PREX2: variants seen among roughly 807,000 people sequenced by gnomAD.
The protein encoded by PREX2 is phosphatidylinositol 3,4,5-trisphosphate-dependent Rac exchanger 2 protein.
PREX2 carries 107 observed loss-of-function variants against 203.2 expected under a neutral mutation model. The ratio of observed to expected loss-of-function variants is 0.53; its 90% confidence interval spans 0.45 to 0.62. The LOEUF is 0.62. PREX2 is among the 20% of genes least tolerant of loss of function. The pLI, the probability that PREX2 is intolerant of heterozygous loss-of-function variation, is 0.00. For synonymous variants in PREX2, 672 were observed against 663.6 expected (o/e 1.01, Z -0.19); for missense variants, 1,777 against 1,955.9 (o/e 0.91, Z 1.72).
intron 37 of PREX2, among the ~76,000 whole-genome samples, chr8:68,206,276 G>A (rs958381214): frequency 9.2e-5 from 14 of 152,186 alleles, no homozygotes; most frequent in South Asian, 2.1e-4. Context: ...AAAGAGCAGC[G>A]TATGTGAAAA....
chr8:68,118,964 G>A (rs1479567057), intron 27 of PREX2: 5 of 491,704 alleles, frequency 1.0e-5, no homozygotes, highest in Non-Finnish European at 2.0e-5. Context: ...ATGGTTGATG[G>A]GGATGGGCAG....
At chr8:68,094,163 C>T (rs529315168) in intron 21 of PREX2, among the ~76,000 whole-genome samples, 1 of 152,322 alleles carries the variant, frequency 6.6e-6, no homozygotes, top group African/African-American at 2.4e-5. Context: ...GTATCAACAT[C>T]ACCTGAGAGC....
intron 1 of PREX2, among the ~76,000 whole-genome samples, chr8:67,967,351 AAT>A (rs1805805433): frequency 6.6e-6 from 1 of 152,256 alleles, no homozygotes; most frequent in South Asian, 2.1e-4. Flanking sequence ...TATTGACTTT[AAT>A]ATAATAGGCA....
chr8:68,103,574 A>G (rs1459346501), intron 23 of PREX2: 1 of 518,792 alleles, frequency 1.9e-6, no homozygotes, highest in African/African-American at 1.9e-5. Context: ...CTCCTGGAAA[A>G]GGCTGTCTAT....
intron 1 of PREX2, among the ~76,000 whole-genome samples, chr8:67,965,025 G>A (rs879514376): frequency 1.3e-5 from 2 of 152,134 alleles, no homozygotes; most frequent in African/African-American, 4.8e-5. Context: ...GAGTAGGGAC[G>A]CAGAACTTGT....
intron 37 of PREX2, among the ~76,000 whole-genome samples, chr8:68,214,180 C>T (rs1169582934): frequency 6.6e-6 from 1 of 152,164 alleles, no homozygotes; most frequent in Non-Finnish European, 1.5e-5. Flanking sequence ...GCAGGTGAAT[C>T]GCTTGAGACA....
intron 39 of PREX2, among the ~76,000 whole-genome samples, chr8:68,229,196 C>T (rs1003269608): frequency 1.3e-5 from 2 of 151,968 alleles, no homozygotes; most frequent in Non-Finnish European, 2.9e-5. Flanking sequence ...AAGTTCTGCT[C>T]TTGGCAGATT....
chr8:68,138,441 T>C lies in PREX2; in HGVS notation c.4011T>C (p.Asp1337=). The part of the protein sequence containing the change: ...NLTDEQAMLE[D]TLVALFDLEK... ...CAGATGAACAAGCCATGTTAGAAGATACACTGGTTGCACTATTTGATTTGG... is the reference window on the plus strand; with the variant it reads ...CAGATGAACAAGCCATGTTAGAAGACACACTGGTTGCACTATTTGATTTGG... Residue 1337 remains aspartate, a synonymous_variant, in exon 33 of 40, where the codon GAT becomes GAC. Transcript: ENST00000288368. 1 of 1,601,938 alleles carries C rather than the reference T, an allele frequency of 6.2e-7. No individual in the cohort carries two copies. Among genetic ancestry groups the C allele is most frequent in the Non-Finnish European group, 8.5e-7 (1 of 1,172,466 alleles).
At chr8:68,212,201 T>C (rs117537888) in intron 37 of PREX2, among the ~76,000 whole-genome samples, 1 of 152,294 alleles carries the variant, frequency 6.6e-6, no homozygotes, top group East Asian at 1.9e-4. Context: ...CCTTTGCACT[T>C]AACTCTCCTT....
chr8:68,229,741 G>A (rs1394029579), intron 39 of PREX2, among the ~76,000 whole-genome samples: 1 of 152,120 alleles, frequency 6.6e-6, no homozygotes, highest in African/African-American at 2.4e-5. Context: ...CAGGACATTC[G>A]CCACCCATCT....
At position 68,027,708 on chromosome 8, in the gene PREX2, T is replaced by A. The variant is rs553052162; in HGVS notation, c.543+385T>A. 2.2e-4 allele frequency among the ~76,000 whole-genome samples: 33 copies of A among 152,234 alleles called. No individual in the cohort carries two copies. The South Asian group carries it at 6.8e-3, about 32-fold the overall frequency. ...TCCTTAAACTTTGATGACTTTGTGA[T>A]GCTAATGAAATTAAGGTCAAAATTA... is the stretch of plus-strand genomic sequence containing the variant. On this transcript the variant is annotated intron_variant, in intron 5 of 39. Coordinates refer to ENST00000288368, the MANE Select transcript of PREX2 (RefSeq NM_024870.4).
rs79602886 is a variant in PREX2 at position 68,085,471 on chromosome 8, C to T, written c.2027+2083C>T. 8.2e-3 allele frequency among the ~76,000 whole-genome samples: 1,250 copies of T among 151,968 alleles called. 59 individuals are homozygous for T. The East Asian group carries it at 0.13, about 16-fold the overall frequency. ...AGCTTCTTGGAATTTAAGTAGTATC[C>T]CATTTTGAGGAAAAGGGAAAAATAT... On this transcript the variant is annotated intron_variant, in intron 18 of 39. Transcript: ENST00000288368.
intron 33 of PREX2, among the ~76,000 whole-genome samples, chr8:68,141,145 C>T (rs1811222125): frequency 6.6e-6 from 1 of 152,104 alleles, no homozygotes; most frequent in African/African-American, 2.4e-5. Context: ...ATACGAGGTG[C>T]TTCACACAAT....
chr8:68,003,892 A>G (rs973431398), intron 1 of PREX2, among the ~76,000 whole-genome samples: 2 of 120,804 alleles, frequency 1.7e-5, no homozygotes, highest in African/African-American at 6.6e-5. Context: ...CCCTCTCGCC[A>G]GGCTGGAGTG....
intron 10 of PREX2, among the ~76,000 whole-genome samples, chr8:68,057,212 C>T (rs956130382): frequency 6.6e-6 from 1 of 152,146 alleles, no homozygotes; most frequent in African/African-American, 2.4e-5. Context: ...CCTTCTCTCA[C>T]CTGCTGCCGT....
chr8:68,009,277 G>A (rs1417893715), intron 1 of PREX2, among the ~76,000 whole-genome samples: 2 of 152,184 alleles, frequency 1.3e-5, no homozygotes, highest in Non-Finnish European at 2.9e-5. Context: ...GAAATGACCA[G>A]TTTCCTGTGC....
At chr8:68,072,813 A>G (rs1563530075) in intron 14 of PREX2, among the ~76,000 whole-genome samples, 1 of 152,212 alleles carries the variant, frequency 6.6e-6, no homozygotes, top group Non-Finnish European at 1.5e-5. Flanking sequence ...ATATCAGATG[A>G]TCCATCAAAA....
intron 35 of PREX2, among the ~76,000 whole-genome samples, chr8:68,166,328 G>A (rs746055565): frequency 1.3e-5 from 2 of 152,126 alleles, no homozygotes; most frequent in African/African-American, 2.4e-5. Context: ...CAGGTGGTCC[G>A]GGGGAGTCAC....
chr8:68,130,741 TTGA>T (rs1810992687), intron 31 of PREX2, among the ~76,000 whole-genome samples: 1 of 152,184 alleles, frequency 6.6e-6, no homozygotes, highest in Non-Finnish European at 1.5e-5. Context: ...TTCTCTGGCC[TTGA>T]TGTACTGATG....
Sources: allele counts gnomAD v4.1 joint callset (sites outside exome capture counted in the v4.1 genomes callset), GRCh38; gene constraint gnomAD v4.1.1; transcripts MANE v1.5; gene names NCBI Gene and HGNC (gene_info 2026-07-23, HGNC 2026-07-21).